PPP4R3B: variants seen among roughly 807,000 people sequenced by gnomAD.
The protein encoded by PPP4R3B is protein phosphatase 4 regulatory subunit 3B, also known as serine/threonine-protein phosphatase 4 regulatory subunit 3B.
In PPP4R3B, 52 loss-of-function variants were observed where a neutral mutation model predicts 95.4. The ratio of observed to expected loss-of-function variants is 0.54; its 90% CI spans 0.44 to 0.69. PPP4R3B has a LOEUF of 0.69. Ranked by LOEUF, PPP4R3B falls within the 30% of genes least tolerant of loss-of-function variation. The pLI is 0.00. For missense variants in PPP4R3B, 1,003 were observed against 1,005.9 expected (o/e 1.00, Z 0.04); for synonymous variants, 407 against 343.9 (o/e 1.18, Z -2.03).
At chr2:55,575,612 A>T (rs1258258571) in intron 11 of PPP4R3B, among the ~76,000 whole-genome samples, 4 of 151,832 alleles carry the variant, frequency 2.6e-5, no homozygotes, top group African/African-American at 9.7e-5. Flanking sequence ...TGCCCAGTAT[A>T]TTTTTTGTAG....
rs572691876 is a variant in PPP4R3B at position 55,593,643 on chromosome 2, C to T, written c.922-4687G>A. Among the ~76,000 whole-genome samples, 6 of 152,238 alleles carry T rather than the reference C, an allele frequency of 3.9e-5. No individual in the cohort carries two copies. In the East Asian group the frequency reaches 1.2e-3, roughly 29 times the overall value. On this transcript the variant is annotated intron_variant, in intron 4 of 16. Coordinates refer to ENST00000616407, the MANE Select transcript of PPP4R3B (RefSeq NM_001122964.3). ...CTGTAGGGCCAGGTGTGGTGGTTCA[C>T]ATCTGTAATCCCAACACTTTGGAAG...
chr2:55,593,314 C>T (rs892452030), intron 4 of PPP4R3B, among the ~76,000 whole-genome samples: 3 of 152,194 alleles, frequency 2.0e-5, no homozygotes, highest in East Asian at 1.9e-4. Context: ...TATTAGCACA[C>T]ATACTAGGAG....
At chr2:55,567,009 A>G (rs1475725133) in intron 13 of PPP4R3B, among the ~76,000 whole-genome samples, 1 of 152,232 alleles carries the variant, frequency 6.6e-6, no homozygotes, top group Non-Finnish European at 1.5e-5. Context: ...CTTGTCTCAA[A>G]CAAAACAAAA....
intron 11 of PPP4R3B, among the ~76,000 whole-genome samples, chr2:55,575,948 G>A (rs1688607549): frequency 6.6e-6 from 1 of 152,136 alleles, no homozygotes; most frequent in Non-Finnish European, 1.5e-5. Context: ...GATATTTCAA[G>A]GACTGTTTCT....
At chr2:55,583,590 G>C (rs956072276) in intron 7 of PPP4R3B, among the ~76,000 whole-genome samples, 1 of 152,168 alleles carries the variant, frequency 6.6e-6, no homozygotes, top group Admixed American at 6.5e-5. Context: ...CATCACTGAA[G>C]ATGGAGCAAT....
Position 55,598,781 on chromosome 2 carries a change from C to G in PPP4R3B, c.556G>C (p.Glu186Gln). 6.2e-7 allele frequency: 1 copy of G among 1,614,188 alleles called. No individual in the cohort carries two copies. ...AAATGGTGTAAGCCTTCAGTGTTTT[C>G]TAGGTTCTCGCAAGCTTGGAACAGC... is the stretch of plus-strand genomic sequence containing the variant. ...LQLFQACENLENTEGLHHLYE... is the reference protein window; with the variant it reads ...LQLFQACENLQNTEGLHHLYE... The change falls in exon 4 of 17, where the codon GAA becomes CAA. Residue 186 changes from glutamate (E) to glutamine (Q), a missense_variant. By Grantham distance (29) the Glu-to-Gln change is conservative. Around this residue, in one of 3 missense-constraint regions of PPP4R3B, gnomAD observed 695 missense variants for 686.2 expected, o/e 1.01. Coordinates refer to ENST00000616407, the MANE Select transcript of PPP4R3B (RefSeq NM_001122964.3).
chr2:55,582,823 C>T (rs1229027772), intron 7 of PPP4R3B, among the ~76,000 whole-genome samples: 2 of 152,054 alleles, frequency 1.3e-5, no homozygotes, highest in East Asian at 1.9e-4. Context: ...TGAGAAAACA[C>T]CTAACAAAAT....
At chr2:55,559,150 C>A (rs1333218270) in intron 15 of PPP4R3B, among the ~76,000 whole-genome samples, 182 bp from the exon 16 acceptor site, 1 of 151,972 alleles carries the variant, frequency 6.6e-6, no homozygotes, top group African/African-American at 2.4e-5. Context: ...AGTTCAAGAC[C>A]AGCCTGACCA....
chr2:55,608,631 C>A (rs1163535005), intron 2 of PPP4R3B, among the ~76,000 whole-genome samples: 1 of 152,158 alleles, frequency 6.6e-6, no homozygotes, highest in African/African-American at 2.4e-5. Flanking sequence ...CAGATTGATA[C>A]TATTAAGTAT....
At position 55,549,843 on chromosome 2, in the gene PPP4R3B, A is replaced by C; in HGVS notation, c.*68T>G. The C allele has an allele frequency of 8.4e-7, 1 of 1,186,030 alleles. No homozygotes were observed. Among genetic ancestry groups the C allele is most frequent in the Non-Finnish European group, 1.3e-6 (1 of 793,704 alleles). The allele number at this position is 1,186,030 out of a possible 1,614,324, so 73.5% of individuals were successfully genotyped here. A position where few individuals can be genotyped will look rare whatever the true frequency, so the allele number is the denominator to read the frequency against. ...TTCAATTGAGAAAGCTTTCTGATTC[A>C]GATTTTCAGCTCACTGAACAGTTGC... On this transcript the variant is annotated 3_prime_UTR_variant, in exon 17 of 17. Coordinates refer to ENST00000616407, the MANE Select transcript of PPP4R3B (RefSeq NM_001122964.3).
Position 55,564,915 on chromosome 2 carries a change from G to C in PPP4R3B, c.2062C>G (p.Gln688Glu), listed in dbSNP as rs1322236883. 1.2e-6 allele frequency: 2 copies of C among 1,609,800 alleles called. No homozygotes were observed. Among genetic ancestry groups the C allele is most frequent in the Middle Eastern group, 3.3e-4 (2 of 6,040 alleles). The change falls in exon 14 of 17, where the codon CAG (glutamine) becomes GAG (glutamate). Residue 688 changes from glutamine (Q) to glutamate (E), a missense_variant. By Grantham distance (29) the Gln-to-Glu change is conservative (BLOSUM62 2). Coordinates refer to ENST00000616407, the MANE Select transcript of PPP4R3B (RefSeq NM_001122964.3). ...CTTAAACAATACCTGTTCAGTTTCT[G>C]ATTTTGTCTGTCTTTTTCTTGCTCA... is the stretch of plus-strand genomic sequence containing the variant. ...KYEQEKDRQN[Q>E]KLNSVPSILR...
chr2:55,610,377 C>G (rs1180601146), intron 2 of PPP4R3B, among the ~76,000 whole-genome samples: 1 of 152,098 alleles, frequency 6.6e-6, no homozygotes, highest in African/African-American at 2.4e-5. Flanking sequence ...CCTGTAATGT[C>G]CCCTTCTGAA....
chr2:55,602,036 T>G (rs927928008), intron 3 of PPP4R3B, among the ~76,000 whole-genome samples: 1 of 152,118 alleles, frequency 6.6e-6, no homozygotes, highest in African/African-American at 2.4e-5. Flanking sequence ...AAAAGCTGGA[T>G]TTTGCTGACT....
chr2:55,558,592 G>C (rs895600339), intron 16 of PPP4R3B, among the ~76,000 whole-genome samples, 183 bp downstream of exon 16: 1 of 152,078 alleles, frequency 6.6e-6, no homozygotes, highest in African/African-American at 2.4e-5. Context: ...TGGCGACAGA[G>C]TGAGACTCTG....
chr2:55,581,175 C>T (rs550346111), intron 8 of PPP4R3B, among the ~76,000 whole-genome samples: 4 of 152,242 alleles, frequency 2.6e-5, no homozygotes, highest in African/African-American at 4.8e-5. Flanking sequence ...ATCGCTTGAA[C>T]CCGAGAGGCG....
rs184085585 is a variant in PPP4R3B, at chr2:55,578,261, G to C, written c.1550C>G (p.Ser517Cys). 627 of 1,473,440 alleles carry C rather than the reference G, an allele frequency of 4.3e-4. 1 individual carries two copies. The highest frequency in any genetic ancestry group is 5.4e-4 in the Non-Finnish European group (598 of 1,109,014). 91.3% of individuals were successfully genotyped at this position (1,473,440 alleles called of 1,614,324 possible). A position where few individuals can be genotyped will look rare whatever the true frequency, so the allele number is the denominator to read the frequency against. ...SHSHSHSTPS[S>C]SISQDNIVGS... ...ATTCAGCATACCTTGAGAGATGGAG[G>C]AAGAGGGGGTAGAATGGGAATGGGA... is the stretch of plus-strand genomic sequence containing the variant. The change falls in exon 10 of 17, where the codon TCC becomes TGC. Residue 517 changes from serine (S) to cysteine (C), a missense_variant. Ser to Cys is a moderately radical substitution (Grantham distance 112). This residue lies in a region of PPP4R3B where 695 missense variants were observed against 686.2 expected (regional missense o/e 1.01). Transcript: ENST00000616407.
intron 8 of PPP4R3B, 24 bp from the exon 9 acceptor site, chr2:55,579,805 A>C (rs1404111680): frequency 1.4e-6 from 2 of 1,438,508 alleles, no homozygotes; most frequent in Admixed American, 1.8e-5. Context: ...TTTTTTAAAC[A>C]ATACTGTTAC....
At position 55,564,915 on chromosome 2, in the gene PPP4R3B, G is replaced by T. The variant is rs1322236883; in HGVS notation, c.2062C>A (p.Gln688Lys). ...CTTAAACAATACCTGTTCAGTTTCTGATTTTGTCTGTCTTTTTCTTGCTCA... is the reference window on the plus strand; with the variant it reads ...CTTAAACAATACCTGTTCAGTTTCTTATTTTGTCTGTCTTTTTCTTGCTCA... ...KYEQEKDRQNQKLNSVPSILR... is the reference protein window; with the variant it reads ...KYEQEKDRQNKKLNSVPSILR... The change falls in exon 14 of 17, where the codon CAG (glutamine) becomes AAG (lysine). Residue 688 changes from glutamine (Q) to lysine (K), a missense_variant. Transcript: ENST00000616407. 2.5e-6 allele frequency: 4 copies of T among 1,609,800 alleles called. No homozygotes were observed. In the East Asian group the frequency reaches 9.0e-5, roughly 36 times the overall value.
chr2:55,595,237 T>G (rs1210645758), intron 4 of PPP4R3B, among the ~76,000 whole-genome samples: 1 of 151,946 alleles, frequency 6.6e-6, no homozygotes, highest in African/African-American at 2.4e-5. Flanking sequence ...TTGGTCAGGC[T>G]GGTCTCAAAC....
Sources: gnomAD v4.1 joint callset for allele counts (sites outside exome capture counted in the v4.1 genomes callset) on GRCh38, gnomAD v4.1.1 for gene constraint, gnomAD v4.1.1 regional missense constraint, MANE v1.5 for transcripts, NCBI Gene and HGNC (gene_info 2026-07-23, HGNC 2026-07-21) for gene names.